TEX2: variants seen among roughly 807,000 people sequenced by gnomAD.
The protein encoded by TEX2 is testis-expressed protein 2.
Under a neutral mutation model 106.9 loss-of-function variants are expected in TEX2, and 53 were observed. The ratio of observed to expected loss-of-function variants is 0.50; its 90% confidence interval spans 0.40 to 0.62. The LOEUF is 0.62. Among genes scored for constraint, TEX2 ranks in the 20% least tolerant of loss-of-function variants. TEX2 has a pLI of 0.00. For synonymous variants in TEX2, 523 were observed against 534.8 expected (o/e 0.98, Z 0.30); for missense variants, 1,207 against 1,379.0 (o/e 0.88, Z 1.98).
At chr17:64,207,799 G>C (rs1237289152) in intron 2 of TEX2, among the ~76,000 whole-genome samples, 1 of 151,290 alleles carries the variant, frequency 6.6e-6, no homozygotes, top group Non-Finnish European at 1.5e-5. Flanking sequence ...GCAGTGGTGC[G>C]ATCGCAGCTC....
chr17:64,154,704 G>C, intron 9 of TEX2, 138 bp downstream of exon 9: 1 of 1,100,796 alleles, frequency 9.1e-7, no homozygotes, highest in Non-Finnish European at 1.2e-6. Context: ...ACTGACCTGG[G>C]ATATTAATAA....
rs1045909014 is a variant in TEX2, at chr17:64,153,896, C to A, written c.2931-742G>T. On this transcript the variant is annotated intron_variant, in intron 9 of 11. Transcript: ENST00000584379. The surrounding 1 kb of genome is among the most constrained non-coding windows in gnomAD (Gnocchi z 4.1). ...GCATTGAGCTATGATCGTGCCACTGCACTCCAGGCCTGGGTGACAGAGCAA... is the reference window on the plus strand; with the variant it reads ...GCATTGAGCTATGATCGTGCCACTGAACTCCAGGCCTGGGTGACAGAGCAA... 1.3e-5 allele frequency among the ~76,000 whole-genome samples: 2 copies of A among 152,186 alleles called. No individual in the cohort carries two copies. The highest frequency in any genetic ancestry group is 2.9e-5 in the Non-Finnish European group (2 of 68,028).
intron 1 of TEX2, among the ~76,000 whole-genome samples, chr17:64,259,771 T>C (rs1339899856): frequency 6.6e-6 from 1 of 152,210 alleles, no homozygotes; most frequent in African/African-American, 2.4e-5. Context: ...CTCATTTAAT[T>C]CTTACAACTA....
chr17:64,224,596 T>C (rs1172626011), intron 1 of TEX2, among the ~76,000 whole-genome samples: 1 of 88,460 alleles, frequency 1.1e-5, no homozygotes, highest in African/African-American at 2.9e-5. Context: ...TCCCATTAGT[T>C]GTTAGGTTCC....
At chr17:64,191,772 C>G (rs192918709) in intron 4 of TEX2, among the ~76,000 whole-genome samples, 3 of 137,890 alleles carry the variant, frequency 2.2e-5, no homozygotes, top group South Asian at 2.3e-4. Flanking sequence ...GAGCCAAGAT[C>G]GTGTCACTGC....
rs1567951454 is a variant in TEX2, at chr17:64,219,510, A to ACATAACATAAC, written c.-25-5269_-25-5268insGTTATGTTATG. ...AACAGAGTGAGACTCCATCTCATCA[A>ACATAACATAAC]ATAAAATAAAATAAAATAAAATAAA... On this transcript the variant is annotated intron_variant, in intron 1 of 11. Transcript: ENST00000584379. 2.4e-4 allele frequency among the ~76,000 whole-genome samples: 24 copies of ACATAACATAAC among 99,230 alleles called. 1 individual carries two copies. Among genetic ancestry groups the ACATAACATAAC allele is most frequent in the African/African-American group, 8.9e-4 (24 of 26,856 alleles). The allele number at this position is 99,230 out of a possible 152,430, so 65.1% of individuals were successfully genotyped here.
At chr17:64,230,158 T>C (rs1464281098) in intron 1 of TEX2, among the ~76,000 whole-genome samples, 3 of 152,098 alleles carry the variant, frequency 2.0e-5, no homozygotes, top group African/African-American at 7.2e-5. Flanking sequence ...TGTGCACACA[T>C]GTGTGTGTAG....
intron 1 of TEX2, among the ~76,000 whole-genome samples, chr17:64,216,651 C>T (rs2143131417): frequency 6.6e-6 from 1 of 152,350 alleles, no homozygotes; most frequent in Admixed American, 6.5e-5. Context: ...AGGGTGAAAA[C>T]AGCAATGCGT....
At position 64,213,442 on chromosome 17, in the gene TEX2, T is replaced by A. The variant is rs1411618476; in HGVS notation, c.776A>T (p.Asp259Val). The A allele has an allele frequency of 4.3e-6, 7 of 1,614,006 alleles. No individual in the cohort carries two copies. The highest frequency in any genetic ancestry group is 5.9e-6 in the Non-Finnish European group (7 of 1,180,038). ...QFTQPRNTGGDSKTAPSSPLT... is the reference protein window; with the variant it reads ...QFTQPRNTGGVSKTAPSSPLT... The stretch of plus-strand genomic sequence containing the variant: ...TGGGGAAGAAGGTGCAGTTTTGGAA[T>A]CTCCACCTGTGTTTCGGGGCTGTGT... Residue 259 changes from aspartate to valine, a missense_variant, in exon 2 of 12, where the codon GAT becomes GTT. By Grantham distance (152) the Asp-to-Val change is radical. Coordinates refer to ENST00000584379, the MANE Select transcript of TEX2 (RefSeq NM_001288732.2). The surrounding 1 kb of genome is among the most constrained non-coding windows in gnomAD (Gnocchi z 4.4).
At position 64,148,199 on chromosome 17, in the gene TEX2, G is replaced by C. The variant is rs755718677; in HGVS notation, c.*770C>G. On this transcript the variant is annotated 3_prime_UTR_variant, in exon 12 of 12. Coordinates refer to ENST00000584379, the MANE Select transcript of TEX2 (RefSeq NM_001288732.2). ...CTAACCCCATCCCATCTGTATGAGAGGACCCATCCTGTCATGTGCAGTGTT... is the reference window on the plus strand; with the variant it reads ...CTAACCCCATCCCATCTGTATGAGACGACCCATCCTGTCATGTGCAGTGTT... 1 of 152,720 alleles carries C rather than the reference G, an allele frequency of 6.5e-6. No individual in the cohort carries two copies. The highest frequency in any genetic ancestry group is 2.4e-5 in the African/African-American group (1 of 41,560). 9.5% of individuals were successfully genotyped at this position (152,720 alleles called of 1,614,324 possible).
chr17:64,164,560 A>G (rs2031039722), intron 7 of TEX2, among the ~76,000 whole-genome samples: 1 of 152,302 alleles, frequency 6.6e-6, no homozygotes, highest in South Asian at 2.1e-4. Flanking sequence ...TCACAGCGGC[A>G]GGATCAATTA....
At chr17:64,246,689 T>C (rs1461529330) in intron 1 of TEX2, among the ~76,000 whole-genome samples, 1 of 152,124 alleles carries the variant, frequency 6.6e-6, no homozygotes, top group Admixed American at 6.5e-5. Context: ...ATGATGTTCA[T>C]GAGGAAAGGA....
chr17:64,253,060 A>G lies in TEX2; in HGVS notation c.-26+10108T>C, dbSNP rs923196023. 2.6e-5 allele frequency among the ~76,000 whole-genome samples: 4 copies of G among 152,176 alleles called. No homozygotes were observed. The East Asian group carries it at 7.7e-4, about 29-fold the overall frequency. On this transcript the variant is annotated intron_variant, in intron 1 of 11. Transcript: ENST00000584379. ...GGGCTAGATCACACAGCACCTAAAC[A>G]TGTTCGGAATGTAGATTTTATCCCA... is the stretch of plus-strand genomic sequence containing the variant.
intron 1 of TEX2, among the ~76,000 whole-genome samples, chr17:64,258,612 A>G (rs903158437): frequency 2.6e-5 from 4 of 152,282 alleles, no homozygotes; most frequent in South Asian, 2.1e-4. Context: ...ACTATCACAA[A>G]CACCTGAGAC....
At chr17:64,232,242 TTGG>T (rs1249770387) in intron 1 of TEX2, among the ~76,000 whole-genome samples, 2 of 152,228 alleles carry the variant, frequency 1.3e-5, no homozygotes, top group Non-Finnish European at 2.9e-5. Context: ...GAAAGAGTTA[TTGG>T]TGTTTGATTT....
At chr17:64,253,846 A>G (rs1459254954) in intron 1 of TEX2, among the ~76,000 whole-genome samples, 1 of 152,180 alleles carries the variant, frequency 6.6e-6, no homozygotes, top group Non-Finnish European at 1.5e-5. Context: ...TTTCAAGCCC[A>G]TCTCTTATTT....
At chr17:64,177,622 TG>T in intron 5 of TEX2, 151 bp from the exon 6 acceptor site, 1 of 784,326 alleles carries the variant, frequency 1.3e-6, no homozygotes, top group Non-Finnish European at 2.0e-6. Context: ...AGTCCCACAT[TG>T]TATTGGTGAC....
Position 64,213,316 on chromosome 17 carries a change from G to C in TEX2, c.902C>G (p.Pro301Arg), listed in dbSNP as rs1555631976. Residue 301 changes from proline (P) to arginine (R), a missense_variant, in exon 2 of 12, where the codon CCT (proline) becomes CGT (arginine). Around this residue, in one of 3 missense-constraint regions of TEX2, gnomAD observed 1,067 missense variants for 1,193.6 expected, o/e 0.89. Transcript: ENST00000584379. The surrounding 1 kb of genome is among the most constrained non-coding windows in gnomAD (Gnocchi z 4.4). ...TATAATTTTACTAAGGAGCTGAAAA[G>C]GCTCATAGATGACTTCTGAAAGGCG... ...KRRLSEVIYE[P>R]FQLLSKIIGE... The C allele has an allele frequency of 6.2e-7, 1 of 1,614,030 alleles. No homozygotes were observed. Among genetic ancestry groups the C allele is most frequent in the Admixed American group, 1.7e-5 (1 of 60,030 alleles).
At chr17:64,152,425 A>G (rs917317818) in intron 10 of TEX2, among the ~76,000 whole-genome samples, 2 of 152,116 alleles carry the variant, frequency 1.3e-5, no homozygotes, top group Admixed American at 1.3e-4. Flanking sequence ...CAGACACCAA[A>G]TGCACATGCT....
Sources: allele counts gnomAD v4.1 joint callset (sites outside exome capture counted in the v4.1 genomes callset), GRCh38; gene constraint gnomAD v4.1.1; regional missense constraint gnomAD v4.1.1; non-coding constraint Gnocchi (gnomAD v3.1); transcripts MANE v1.5; gene names NCBI Gene and HGNC (gene_info 2026-07-23, HGNC 2026-07-21).